The following DAB1 variants were observed in gnomAD, a reference collection of about 807,000 sequenced individuals.
The protein encoded by DAB1 is DAB adaptor protein 1.
DAB1 carries 15 observed loss-of-function variants against 64.6 expected under a neutral mutation model. That is an observed-to-expected ratio of 0.23 (90% confidence interval 0.16 to 0.36). The LOEUF is 0.36. DAB1 is among the 10% of genes least tolerant of loss of function. DAB1 has a pLI of 1.00. For synonymous variants in DAB1, 235 were observed against 251.9 expected, an observed-to-expected ratio of 0.93 and a Z score of 0.64; for missense variants, 596 against 706.7, an observed-to-expected ratio of 0.84 and a Z score of 1.78.
intron 4 of DAB1, among the ~76,000 whole-genome samples, chr1:58,181,204 A>C (rs1656771216): frequency 6.6e-6 from 1 of 152,038 alleles, no homozygotes; most frequent in Non-Finnish European, 1.5e-5. Flanking sequence ...TATCCTATAC[A>C]TCTTGTTTCT....
intron 1 of DAB1, chr1:57,863,225 G>A (rs1393050221): frequency 6.6e-6 from 1 of 151,910 alleles, no homozygotes; most frequent in Non-Finnish European, 1.5e-5. Context: ...ACTAACTGGA[G>A]TGGTAGAAAG....
chr1:57,880,391 A>AT (rs1644126248), intron 1 of DAB1: 1 of 152,122 alleles, frequency 6.6e-6, no homozygotes, highest in African/African-American at 2.4e-5. Context: ...CCATAGAACC[A>AT]TCATGTTGTC....
intron 7 of DAB1, among the ~76,000 whole-genome samples, chr1:57,530,520 T>A (rs1383448560): frequency 6.6e-6 from 1 of 152,196 alleles, no homozygotes. Flanking sequence ...TCTAATATAA[T>A]GGCATTAAAT....
chr1:57,896,208 C>A lies in DAB1; in HGVS notation n.388-12046G>T, dbSNP rs139635658. On this transcript the variant is annotated intron_variant and non_coding_transcript_variant, in intron 5 of 20. Transcript: ENST00000485760. ...CGGGTCTCAGTTTCTTTATGTCAAC[C>A]AAGGGTGATATTATCTATGCAGTAT... is the stretch of plus-strand genomic sequence containing the variant. Among the ~76,000 whole-genome samples the A allele has an allele frequency of 3.0e-4, 45 of 152,188 alleles. 1 individual carries two copies. The highest frequency in any genetic ancestry group is 6.2e-4 in the South Asian group (3 of 4,814).
chr1:58,063,273 T>C (rs763356664), intron 5 of DAB1, among the ~76,000 whole-genome samples: 21 of 152,016 alleles, frequency 1.4e-4, no homozygotes, highest in Non-Finnish European at 2.5e-4. Flanking sequence ...TGGGGTACAA[T>C]AACTGAAGAG....
chr1:57,432,297 C>T lies in DAB1; in HGVS notation n.626-141131G>A, dbSNP rs145794261. Among the ~76,000 whole-genome samples the T allele has an allele frequency of 1.4e-4, 22 of 152,118 alleles. No individual in the cohort carries two copies. In the East Asian group the frequency reaches 4.3e-3, roughly 29 times the overall value. On this transcript the variant is annotated intron_variant and non_coding_transcript_variant, in intron 7 of 20. Transcript: ENST00000485760. ...ATTCCTCCTTCTTCTAAAACAACAG[C>T]TAGATTTCATTGGGAAACCAGTCCT...
At chr1:58,264,370 T>C (rs2100420291) in intron 4 of DAB1, among the ~76,000 whole-genome samples, 1 of 152,348 alleles carries the variant, frequency 6.6e-6, no homozygotes, top group Non-Finnish European at 1.5e-5. Flanking sequence ...CTGTAATGTG[T>C]TGGCTTTCAC....
intron 6 of DAB1, among the ~76,000 whole-genome samples, chr1:57,781,126 C>CTCTCTATATATATATA (rs1557477160): frequency 3.6e-5 from 1 of 27,726 alleles, no homozygotes; most frequent in Non-Finnish European, 6.4e-5. Context: ...CTCTCTCTCT[C>CTCTCTATATATATATA]TATATATATA....
intron 7 of DAB1, among the ~76,000 whole-genome samples, chr1:57,522,741 C>T (rs1398723402): frequency 6.6e-6 from 1 of 152,208 alleles, no homozygotes; most frequent in Non-Finnish European, 1.5e-5. Flanking sequence ...AGTCAGTAGA[C>T]TGGGAGAGGC....
At chr1:58,086,940 T>A (rs1247624682) in intron 5 of DAB1, among the ~76,000 whole-genome samples, 1 of 152,070 alleles carries the variant, frequency 6.6e-6, no homozygotes, top group Non-Finnish European at 1.5e-5. Context: ...GATACTTCCA[T>A]AATATGCTGT....
intron 1 of DAB1, among the ~76,000 whole-genome samples, chr1:57,405,924 C>T (rs1683600185): frequency 6.6e-6 from 1 of 152,224 alleles, no homozygotes; most frequent in African/African-American, 2.4e-5. Context: ...GGCTATTTCA[C>T]ATCCATGTGC....
intron 1 of DAB1, among the ~76,000 whole-genome samples, chr1:57,844,646 A>C (rs2101919840): frequency 6.6e-6 from 1 of 152,248 alleles, no homozygotes; most frequent in South Asian, 2.1e-4. Flanking sequence ...CCCTGCTCTA[A>C]GTTCTACGGA....
chr1:58,041,170 C>T (rs1647129689), intron 5 of DAB1, among the ~76,000 whole-genome samples: 1 of 152,172 alleles, frequency 6.6e-6, no homozygotes, highest in Non-Finnish European at 1.5e-5. Context: ...TAAAGTCTTC[C>T]TATTGAGCAG....
intron 1 of DAB1, among the ~76,000 whole-genome samples, chr1:57,418,588 A>AT (rs1358289721): frequency 2.0e-5 from 3 of 152,112 alleles, no homozygotes; most frequent in Non-Finnish European, 4.4e-5. Flanking sequence ...CCATCCCCTT[A>AT]TTTTTATACC....
At chr1:57,435,416 T>C (rs1451185389) in intron 7 of DAB1, among the ~76,000 whole-genome samples, 1 of 152,222 alleles carries the variant, frequency 6.6e-6, no homozygotes, top group Non-Finnish European at 1.5e-5. Flanking sequence ...TCATAAACTT[T>C]TGAATTTTTT....
intron 7 of DAB1, among the ~76,000 whole-genome samples, chr1:57,538,670 C>T (rs1462430045): frequency 2.0e-5 from 3 of 152,144 alleles, no homozygotes; most frequent in Admixed American, 6.5e-5. Context: ...GGTCCTCTGC[C>T]CTCCAGCCAG....
At chr1:58,245,481 T>C (rs1052102863) in intron 4 of DAB1, among the ~76,000 whole-genome samples, 2 of 152,172 alleles carry the variant, frequency 1.3e-5, no homozygotes, top group African/African-American at 4.8e-5. Flanking sequence ...AAGGGCTCCA[T>C]CAACTCTTAA....
chr1:57,023,689 A>C (rs372611085), intron 10 of DAB1, 50 bp from the exon 11 acceptor site: 10 of 1,246,028 alleles, frequency 8.0e-6, no homozygotes, highest in Non-Finnish European at 1.2e-5. Context: ...CTTAGCAGTC[A>C]TCAAGGCTGG....
chr1:58,314,137 G>A (rs1057242033), intron 4 of DAB1, among the ~76,000 whole-genome samples: 29 of 152,174 alleles, frequency 1.9e-4, no homozygotes, highest in Admixed American at 5.9e-4. Context: ...CTGAAGATTG[G>A]ACCCTCTGGT....
Sources: allele counts gnomAD v4.1 joint callset (sites outside exome capture counted in the v4.1 genomes callset), GRCh38; gene constraint gnomAD v4.1.1; transcripts MANE v1.5; gene names NCBI Gene and HGNC (gene_info 2026-07-23, HGNC 2026-07-21).